The following SLC24A2 variants were observed in gnomAD, a reference collection of about 807,000 sequenced individuals.
SLC24A2 encodes solute carrier family 24 member 2.
A neutral mutation model predicts 62.0 loss-of-function variants in SLC24A2; 36 were observed. That is an observed-to-expected ratio of 0.58 (90% confidence interval 0.44 to 0.77). The LOEUF (loss-of-function observed/expected upper bound fraction) is 0.77. Ranked by LOEUF, SLC24A2 falls within the 30% of genes least tolerant of loss-of-function variation. The pLI is 0.00. For missense variants in SLC24A2, 846 were observed against 817.9 expected, an observed-to-expected ratio of 1.03 and a Z score of -0.42; for synonymous variants, 358 against 294.0, an observed-to-expected ratio of 1.22 and a Z score of -2.23.
the SLC24A2 span, among the ~76,000 whole-genome samples, chr9:20,273,168 T>C: frequency 1.3e-5 from 2 of 152,084 alleles, no homozygotes; most frequent in African/African-American, 4.8e-5. Context: ...GCCCCCAAAA[T>C]ATGGCTTCCT....
the SLC24A2 span, among the ~76,000 whole-genome samples, chr9:20,252,575 A>G: frequency 6.6e-6 from 1 of 152,240 alleles, no homozygotes; most frequent in East Asian, 1.9e-4. Flanking sequence ...CTTGATTCCC[A>G]AAACAACATT....
At chr9:19,524,178 A>G (rs988005365) in intron 9 of SLC24A2, among the ~76,000 whole-genome samples, 6 of 148,970 alleles carry the variant, frequency 4.0e-5, no homozygotes, top group Non-Finnish European at 7.4e-5. Flanking sequence ...GGCCACTCAG[A>G]GGAGGCCAAA....
In SLC24A2 at chr9:19,525,387, TTTAC is replaced by T. The variant is rs1306664378; in HGVS notation, c.1569+2658_1569+2661del. Among the ~76,000 whole-genome samples, 6 of 120,708 alleles carry T rather than the reference TTTAC, an allele frequency of 5.0e-5. 1 individual carries two copies. In the South Asian group the frequency reaches 1.1e-3, roughly 21 times the overall value. The allele number at this position is 120,708 out of a possible 152,430, so 79.2% of individuals were successfully genotyped here. On this transcript the variant is annotated intron_variant, in intron 9 of 10. Transcript: ENST00000341998. ...CTGCAAGGTTTTTTTTTCCTATTTC[TTTAC>T]TTTTTTTTTTTTTTTTTTTTTTTTT...
chr9:19,669,474 A>G (rs1009477599), intron 2 of SLC24A2, among the ~76,000 whole-genome samples: 8 of 152,212 alleles, frequency 5.3e-5, no homozygotes, highest in African/African-American at 1.9e-4. Context: ...ATAAATAACC[A>G]CAAACTTAGA....
the SLC24A2 span, among the ~76,000 whole-genome samples, chr9:19,849,332 T>C: frequency 6.6e-6 from 1 of 152,216 alleles, no homozygotes; most frequent in South Asian, 2.1e-4. Flanking sequence ...GAAATGTCTC[T>C]GATAATGTAA....
At chr9:20,008,021 G>C in the SLC24A2 span, among the ~76,000 whole-genome samples, 215 of 148,204 alleles carry the variant, frequency 1.5e-3, 1 homozygote, top group African/African-American at 5.2e-3. Context: ...TCAGTCCCCC[G>C]AGTAGCTGAG....
At chr9:19,835,683 C>A in the SLC24A2 span, among the ~76,000 whole-genome samples, 3 of 152,156 alleles carry the variant, frequency 2.0e-5, no homozygotes, top group Non-Finnish European at 4.4e-5. Flanking sequence ...AGAAAGTTAA[C>A]AAGGATATCC....
the SLC24A2 span, among the ~76,000 whole-genome samples, chr9:19,820,469 A>C: frequency 6.6e-6 from 1 of 151,688 alleles, no homozygotes; most frequent in Non-Finnish European, 1.5e-5. Context: ...AATTTTAAAA[A>C]AGAACTTACT....
intron 7 of SLC24A2, among the ~76,000 whole-genome samples, chr9:19,563,200 T>C (rs544035762): frequency 6.6e-6 from 1 of 152,230 alleles, no homozygotes; most frequent in East Asian, 1.9e-4. Flanking sequence ...AGCACTGCTC[T>C]TGTGTTCTAG....
chr9:19,733,264 G>T (rs547005812), intron 2 of SLC24A2, among the ~76,000 whole-genome samples: 37 of 152,248 alleles, frequency 2.4e-4, no homozygotes, highest in African/African-American at 8.4e-4. Context: ...CCTGTTATTT[G>T]TGAATGCATT....
At chr9:19,612,915 T>C (rs1837217861) in intron 4 of SLC24A2, among the ~76,000 whole-genome samples, 1 of 152,198 alleles carries the variant, frequency 6.6e-6, no homozygotes. Flanking sequence ...CTTCTGTGTT[T>C]GGTTTCCTAC....
chr9:19,806,402 A>G, the SLC24A2 span, among the ~76,000 whole-genome samples: 1 of 152,342 alleles, frequency 6.6e-6, no homozygotes, highest in South Asian at 2.1e-4. Context: ...ATGGAAATCA[A>G]TGCTTTGAAA....
the SLC24A2 span, among the ~76,000 whole-genome samples, chr9:19,885,701 G>A: frequency 3.9e-5 from 6 of 152,098 alleles, no homozygotes; most frequent in Admixed American, 2.6e-4. Flanking sequence ...TCATCACCCA[G>A]GTAGCATAGT....
At chr9:19,760,546 G>C (rs1401963343) in intron 2 of SLC24A2, among the ~76,000 whole-genome samples, 1 of 151,658 alleles carries the variant, frequency 6.6e-6, no homozygotes, top group African/African-American at 2.4e-5. Flanking sequence ...AGGCTCCTGT[G>C]TGATGTTCCC....
intron 4 of SLC24A2, among the ~76,000 whole-genome samples, chr9:19,614,136 A>G (rs1175133844): frequency 2.0e-5 from 3 of 152,228 alleles, no homozygotes. Flanking sequence ...CCCTGAGCAA[A>G]TATAAAGGCT....
chr9:20,300,458 A>G, the SLC24A2 span, among the ~76,000 whole-genome samples: 2 of 152,210 alleles, frequency 1.3e-5, no homozygotes, highest in East Asian at 1.9e-4. Flanking sequence ...AGTGCCTGGT[A>G]TACCCATAGA....
chr9:19,664,800 G>A (rs924501974), intron 2 of SLC24A2, among the ~76,000 whole-genome samples: 1 of 152,162 alleles, frequency 6.6e-6, no homozygotes, highest in African/African-American at 2.4e-5. Context: ...GCAAGCCAAG[G>A]AATGCCACGG....
intron 8 of SLC24A2, among the ~76,000 whole-genome samples, chr9:19,541,777 G>A (rs1459878143): frequency 6.7e-6 from 1 of 148,406 alleles, no homozygotes; most frequent in Admixed American, 6.7e-5. Context: ...AAGCAAGCCT[G>A]GGCAATGGCG....
chr9:19,876,539 C>A, the SLC24A2 span, among the ~76,000 whole-genome samples: 2 of 152,028 alleles, frequency 1.3e-5, no homozygotes, highest in African/African-American at 2.4e-5. Context: ...GTAGTTAACC[C>A]ATTTTAAATT....
Sources: gnomAD v4.1 joint callset for allele counts (sites outside exome capture counted in the v4.1 genomes callset) on GRCh38, gnomAD v4.1.1 for gene constraint, MANE v1.5 for transcripts, NCBI Gene and HGNC (gene_info 2026-07-23, HGNC 2026-07-21) for gene names.